The following KAZN variants were observed in gnomAD, a reference collection of about 807,000 sequenced individuals.
KAZN encodes the protein kazrin.
Under a neutral mutation model 87.4 loss-of-function variants are expected in KAZN, and 40 were observed. The observed-to-expected ratio is 0.46, with a 90% CI of 0.36 to 0.60. The LOEUF (loss-of-function observed/expected upper bound fraction) is 0.60, where lower values mean the gene tolerates loss of function less well. KAZN is among the 20% of genes least tolerant of loss of function. KAZN has a pLI of 0.00. For synonymous variants in KAZN, 466 were observed against 458.3 expected (o/e 1.02, Z -0.22); for missense variants, 898 against 1,073.9 (o/e 0.84, Z 2.29).
intron 4 of KAZN, among the ~76,000 whole-genome samples, chr1:15,049,471 C>A (rs1471582390): frequency 6.6e-6 from 1 of 152,134 alleles, no homozygotes; most frequent in Non-Finnish European, 1.5e-5. Flanking sequence ...GCCAGCAGCA[C>A]CCCCTCCACC....
At chr1:14,965,049 GAGAC>G (rs1230348554) in intron 2 of KAZN, among the ~76,000 whole-genome samples, 1 of 133,694 alleles carries the variant, frequency 7.5e-6, no homozygotes, top group East Asian at 2.1e-4. Context: ...TTTTTTTTTT[GAGAC>G]AGAGTCTCAC....
At chr1:14,994,138 G>C (rs1667641143) in intron 2 of KAZN, among the ~76,000 whole-genome samples, 1 of 152,224 alleles carries the variant, frequency 6.6e-6, no homozygotes, top group East Asian at 1.9e-4. Context: ...GGGAGCCCCT[G>C]GCAGCAGGGC....
intron 1 of KAZN, among the ~76,000 whole-genome samples, chr1:14,159,127 C>G (rs886328317): frequency 6.6e-6 from 1 of 152,152 alleles, no homozygotes; most frequent in Non-Finnish European, 1.5e-5. Context: ...TATGTTTGCT[C>G]AAGGCCCTGG....
chr1:14,703,206 G>A lies in KAZN; in HGVS notation c.226+103983G>A, dbSNP rs928660281. On this transcript the variant is annotated intron_variant, in intron 1 of 14. Transcript: ENST00000376030. ...CATGGAGGAGATTGGTCAAGAGTAGGTTGACCAGGCTGGGCGAGGTGGCTC... is the reference window on the plus strand; with the variant it reads ...CATGGAGGAGATTGGTCAAGAGTAGATTGACCAGGCTGGGCGAGGTGGCTC... 2.0e-5 allele frequency among the ~76,000 whole-genome samples: 3 copies of A among 152,200 alleles called. No individual in the cohort carries two copies. In the East Asian group the frequency reaches 5.8e-4, roughly 29 times the overall value.
chr1:14,425,832 C>T (rs1163517248), intron 2 of KAZN, among the ~76,000 whole-genome samples: 1 of 152,178 alleles, frequency 6.6e-6, no homozygotes, highest in Non-Finnish European at 1.5e-5. Context: ...TCCCAGGTCA[C>T]CTGGCTAGTG....
In KAZN at chr1:14,068,120, T is replaced by TC. The variant is rs5772561; in HGVS notation, c.92-112306dup. Among the ~76,000 whole-genome samples, 376 of 150,116 alleles carry TC rather than the reference T, an allele frequency of 2.5e-3. 1 individual carries two copies. The highest frequency in any genetic ancestry group is 0.019 in the East Asian group (95 of 5,100). ...AAGAGTGAGGGAGGGGTGTTGATGT[T>TC]CCCCCCCCCAACAATTGAGGTGTAA... is the stretch of plus-strand genomic sequence containing the variant. On this transcript the variant is annotated intron_variant, in intron 1 of 16. Coordinates refer to the KAZN transcript ENST00000636203.
intron 2 of KAZN, among the ~76,000 whole-genome samples, chr1:14,516,129 C>A (rs74474928): frequency 4.6e-5 from 7 of 152,138 alleles, no homozygotes; most frequent in African/African-American, 9.7e-5. Context: ...GCAAGTCGAA[C>A]GTAAATTAAC....
At chr1:14,022,054 A>G (rs1485778069) in intron 1 of KAZN, among the ~76,000 whole-genome samples, 1 of 142,154 alleles carries the variant, frequency 7.0e-6, no homozygotes, top group Non-Finnish European at 1.5e-5. Flanking sequence ...CGGATTACCC[A>G]TGCCGTCCCG....
In KAZN at chr1:14,769,277, C is replaced by G. The variant is rs10803317; in HGVS notation, c.226+170054C>G. On this transcript the variant is annotated intron_variant, in intron 1 of 14. Coordinates refer to ENST00000376030, the MANE Select transcript of KAZN (RefSeq NM_201628.3). This position sits in a 1 kb window ranked among gnomAD's most constrained non-coding sequence, Gnocchi z 4.1. ...ATCAATGTCACCCCCATCTGAATTGCAGAACCACGTTATTGGCTTTTGGAA... is the reference window on the plus strand; with the variant it reads ...ATCAATGTCACCCCCATCTGAATTGGAGAACCACGTTATTGGCTTTTGGAA... 6.6e-6 allele frequency among the ~76,000 whole-genome samples: 1 copy of G among 152,002 alleles called. No individual in the cohort carries two copies.
intron 1 of KAZN, among the ~76,000 whole-genome samples, chr1:14,013,959 A>G (rs1375142271): frequency 1.3e-5 from 2 of 152,190 alleles, no homozygotes; most frequent in Non-Finnish European, 2.9e-5. Context: ...CCTTTAACTC[A>G]GCAACAATAT....
chr1:15,066,554 C>G lies in KAZN; in HGVS notation c.1222+801C>G, dbSNP rs1444531909. On this transcript the variant is annotated intron_variant, in intron 8 of 14. Coordinates refer to ENST00000376030, the MANE Select transcript of KAZN (RefSeq NM_201628.3). This position sits in a 1 kb window ranked among gnomAD's most constrained non-coding sequence, Gnocchi z 4.3. The stretch of plus-strand genomic sequence containing the variant: ...TTTTAAATTGCATTGCCGTTTCTTT[C>G]TTTATGAAAAAAAAGAAAAAAAGAA... The G allele has an allele frequency of 6.1e-6, 6 of 984,900 alleles. No individual in the cohort carries two copies. Among genetic ancestry groups the G allele is most frequent in the Non-Finnish European group, 6.0e-6 (5 of 829,744 alleles). The allele number at this position is 984,900 out of a possible 1,614,324, so 61.0% of individuals were successfully genotyped here. A position where few individuals can be genotyped will look rare whatever the true frequency, so the allele number is the denominator to read the frequency against.
chr1:14,035,644 AT>A (rs111800884), intron 1 of KAZN, among the ~76,000 whole-genome samples: 8,189 of 145,036 alleles, frequency 0.056, 785 homozygotes, highest in African/African-American at 0.2. Context: ...TAATTTTTGT[AT>A]TTTTTTTTTT....
chr1:14,343,126 A>G (rs1042510146), intron 2 of KAZN, among the ~76,000 whole-genome samples: 1 of 152,102 alleles, frequency 6.6e-6, no homozygotes, highest in African/African-American at 2.4e-5. Context: ...AGCCTGGGAG[A>G]CAAGAGCAAA....
At chr1:14,139,081 C>T (rs1045900441) in intron 1 of KAZN, among the ~76,000 whole-genome samples, 3 of 152,264 alleles carry the variant, frequency 2.0e-5, no homozygotes, top group East Asian at 3.9e-4. Flanking sequence ...AGAGCACATT[C>T]GAGAAGGCTG....
At chr1:14,814,451 T>C (rs148389050) in intron 1 of KAZN, among the ~76,000 whole-genome samples, 8,930 of 152,272 alleles carry the variant, frequency 0.059, 334 homozygotes, top group Admixed American at 0.11. Flanking sequence ...CCTGAGCTCG[T>C]GATCCACCCA....
intron 2 of KAZN, among the ~76,000 whole-genome samples, chr1:14,590,858 A>T (rs1030060446): frequency 1.6e-4 from 24 of 152,322 alleles, no homozygotes; most frequent in Middle Eastern, 3.4e-3. Flanking sequence ...GGAAGTTGAG[A>T]CAGTAAGCAA....
intron 1 of KAZN, among the ~76,000 whole-genome samples, chr1:14,915,129 G>A (rs1657669978): frequency 1.3e-5 from 2 of 152,204 alleles, no homozygotes; most frequent in Admixed American, 6.5e-5. Flanking sequence ...GGAGGTTGCG[G>A]TGAGCCAAGA....
At chr1:14,186,509 C>G (rs1646309746) in intron 2 of KAZN, among the ~76,000 whole-genome samples, 1 of 152,154 alleles carries the variant, frequency 6.6e-6, no homozygotes, top group Admixed American at 6.5e-5. Context: ...GCAATTGTTT[C>G]AGCGTGCTGT....
rs563401375 is a variant in KAZN, at chr1:14,391,768, T to C, written c.250-207215T>C. ...TCAGTAAGATTCAGGCTTTTGTTTA[T>C]TCTCTTTGTGCTGGGGGCAGGGTAT... is the stretch of plus-strand genomic sequence containing the variant. On this transcript the variant is annotated intron_variant, in intron 2 of 16. Transcript: ENST00000636203. Among the ~76,000 whole-genome samples the C allele has an allele frequency of 3.9e-5, 6 of 152,326 alleles. No individual in the cohort carries two copies. In the South Asian group the frequency reaches 1.2e-3, roughly 32 times the overall value.
Sources: gnomAD v4.1 joint callset for allele counts (sites outside exome capture counted in the v4.1 genomes callset) on GRCh38, gnomAD v4.1.1 for gene constraint, Gnocchi (gnomAD v3.1) non-coding constraint, MANE v1.5 for transcripts, NCBI Gene and HGNC (gene_info 2026-07-23, HGNC 2026-07-21) for gene names.